Variants in ZCCHC2 observed in about 807,000 individuals in gnomAD.
ZCCHC2 encodes zinc finger CCHC-type containing 2.
In ZCCHC2, 39 loss-of-function variants were observed where a neutral mutation model predicts 103.6. That is an observed-to-expected ratio of 0.38 (90% CI 0.29 to 0.49). The LOEUF (loss-of-function observed/expected upper bound fraction) is 0.49. Among genes scored for constraint, ZCCHC2 ranks in the 20% least tolerant of loss-of-function variants. ZCCHC2 has a pLI of 0.96. For synonymous variants in ZCCHC2, 687 were observed against 608.9 expected (o/e 1.13, Z -1.89); for missense variants, 1,483 against 1,491.0 (o/e 0.99, Z 0.09).
At chr18:62,565,756 CT>C (rs1464983333) in intron 11 of ZCCHC2, among the ~76,000 whole-genome samples, 5 of 152,092 alleles carry the variant, frequency 3.3e-5, no homozygotes, top group African/African-American at 1.2e-4. Flanking sequence ...CTGGGTGCCC[CT>C]GACACATTTA....
At chr18:62,531,023 C>G (rs894740555) in intron 1 of ZCCHC2, among the ~76,000 whole-genome samples, 2 of 151,700 alleles carry the variant, frequency 1.3e-5, no homozygotes, top group Admixed American at 1.3e-4. Context: ...ATTTTTAACT[C>G]ACTTAATATT....
chr18:62,523,475 G>C lies in ZCCHC2; in HGVS notation c.51G>C (p.Pro17=). 2.8e-6 allele frequency: 3 copies of C among 1,078,216 alleles called. No individual in the cohort carries two copies. The highest frequency in any genetic ancestry group is 4.5e-5 in the South Asian group (2 of 44,254). The allele number at this position is 1,078,216 out of a possible 1,614,324, so 66.8% of individuals were successfully genotyped here. A position where few individuals can be genotyped will look rare whatever the true frequency, so the allele number is the denominator to read the frequency against. The change falls in exon 1 of 14, where the codon CCG becomes CCC. Residue 17 remains proline (P), a synonymous_variant. Coordinates refer to ENST00000269499, the MANE Select transcript of ZCCHC2 (RefSeq NM_017742.6). ...PLKPTHPAEP[P]PEAEEPEADA... Reference sequence around the variant, plus strand: ...AGCCAACGCACCCCGCGGAGCCGCCGCCCGAGGCGGAGGAGCCCGAGGCGG... The same window carrying C: ...AGCCAACGCACCCCGCGGAGCCGCCCCCCGAGGCGGAGGAGCCCGAGGCGG...
downstream of ZCCHC2, among the ~76,000 whole-genome samples, chr18:62,579,600 A>G (rs555393257): frequency 1.3e-5 from 2 of 152,320 alleles, no homozygotes; most frequent in Admixed American, 6.5e-5. Context: ...TAATGCACCT[A>G]TAGGTAACGT....
chr18:62,561,529 G>A (rs1690976365), intron 8 of ZCCHC2, among the ~76,000 whole-genome samples: 1 of 152,224 alleles, frequency 6.6e-6, no homozygotes, highest in African/African-American at 2.4e-5. Context: ...TCCTTTTTGG[G>A]TCTGTCATTC....
In ZCCHC2 at chr18:62,562,995, C is replaced by T. The variant is rs749769224; in HGVS notation, c.1551-14C>T. The T allele has an allele frequency of 1.1e-5, 18 of 1,598,018 alleles. No homozygotes were observed. The highest frequency in any genetic ancestry group is 1.7e-4 in the Middle Eastern group (1 of 6,032). On this transcript the variant is annotated splice_polypyrimidine_tract_variant and intron_variant, in intron 8 of 13. Transcript: ENST00000269499. The stretch of plus-strand genomic sequence containing the variant: ...GGGCAGATTTTCACACTTTCATAAA[C>T]TTTTCTTTGGTAGCAATATTGGTAC...
intron 3 of ZCCHC2, among the ~76,000 whole-genome samples, chr18:62,544,589 A>C (rs1001353765): frequency 2.9e-4 from 44 of 152,244 alleles, no homozygotes; most frequent in African/African-American, 9.6e-4. Context: ...GCCATTTTGA[A>C]AAGAGTTATT....
intron 2 of ZCCHC2, among the ~76,000 whole-genome samples, chr18:62,540,701 A>G (rs1359445981): frequency 6.6e-6 from 1 of 152,164 alleles, no homozygotes; most frequent in African/African-American, 2.4e-5. Flanking sequence ...TTTTAGAAGA[A>G]CGTAGAGATT....
At chr18:62,543,634 C>T (rs750681212) in intron 3 of ZCCHC2, among the ~76,000 whole-genome samples, 27 of 152,208 alleles carry the variant, frequency 1.8e-4, no homozygotes, top group Admixed American at 1.1e-3. Flanking sequence ...TTTCCCCAGA[C>T]CGAGGACAGG....
chr18:62,586,674 A>G (rs544584878), exon 15 of ZCCHC2: 3 of 152,152 alleles, frequency 2.0e-5, no homozygotes, highest in Non-Finnish European at 4.4e-5. Flanking sequence ...GACACGTGAA[A>G]AATACATGAA....
At chr18:62,564,880 A>G in intron 10 of ZCCHC2, 122 bp from the exon 11 acceptor site, 1 of 756,568 alleles carries the variant, frequency 1.3e-6, no homozygotes, top group Non-Finnish European at 2.1e-6. Context: ...TCTTAATTGT[A>G]TTTAGATTAT....
At chr18:62,562,648 C>T (rs1250953120) in intron 8 of ZCCHC2, among the ~76,000 whole-genome samples, 1 of 152,124 alleles carries the variant, frequency 6.6e-6, no homozygotes, top group African/African-American at 2.4e-5. Flanking sequence ...TTTTTGATCT[C>T]ATTATCCTGT....
intron 5 of ZCCHC2, among the ~76,000 whole-genome samples, chr18:62,553,465 AT>A (rs540557286): frequency 8.6e-4 from 128 of 149,028 alleles, no homozygotes; most frequent in African/African-American, 2.8e-3. Flanking sequence ...ATTTTTATTA[AT>A]TTTTTTTTTG....
At chr18:62,542,876 A>C (rs564081783) in intron 3 of ZCCHC2, among the ~76,000 whole-genome samples, 1 of 152,074 alleles carries the variant, frequency 6.6e-6, no homozygotes, top group Non-Finnish European at 1.5e-5. Context: ...GATCACAGGC[A>C]TTGTCTTTCC....
intron 3 of ZCCHC2, 50 bp downstream of exon 3, chr18:62,542,624 C>G (rs1416367171): frequency 6.8e-7 from 1 of 1,477,838 alleles, no homozygotes; most frequent in Admixed American, 2.1e-5. Context: ...GCTCAATGAT[C>G]TTTGGGAAAA....
At chr18:62,543,061 A>G (rs1047419859) in intron 3 of ZCCHC2, among the ~76,000 whole-genome samples, 7 of 152,060 alleles carry the variant, frequency 4.6e-5, no homozygotes, top group African/African-American at 1.7e-4. Context: ...AAGACTTTGC[A>G]TGTCTTCTTC....
At chr18:62,559,025 A>C (rs899312488) in intron 7 of ZCCHC2, among the ~76,000 whole-genome samples, 4 of 152,276 alleles carry the variant, frequency 2.6e-5, no homozygotes, top group African/African-American at 9.6e-5. Flanking sequence ...ATGAAAAAAT[A>C]GGTATAATTA....
rs1029136935 is a variant in ZCCHC2 at position 62,532,167 on chromosome 18, T to A, written c.940-7514T>A. Among the ~76,000 whole-genome samples the A allele has an allele frequency of 4.6e-5, 7 of 152,330 alleles. No homozygotes were observed. In the East Asian group the frequency reaches 7.7e-4, roughly 17 times the overall value. On this transcript the variant is annotated intron_variant, in intron 1 of 13. Transcript: ENST00000269499. ...CCCTTATGGTGTATATCTCATTGAA[T>A]GTCAACTGTCACTCTAATGTGAATC...
rs1914183555 is a variant in ZCCHC2 at position 62,523,722 on chromosome 18, G to C, written c.298G>C (p.Glu100Gln). 1 of 1,516,002 alleles carries C rather than the reference G, an allele frequency of 6.6e-7. No homozygotes were observed. Among genetic ancestry groups the C allele is most frequent in the Non-Finnish European group, 8.8e-7 (1 of 1,139,996 alleles). 93.9% of individuals were successfully genotyped at this position (1,516,002 alleles called of 1,614,324 possible). ...AALREQERVY[E>Q]WFGLVLGSAQ... is the part of the protein sequence containing the mutation. The stretch of plus-strand genomic sequence containing the variant: ...GCTGCGCGAGCAGGAGCGGGTATAC[G>C]AGTGGTTCGGGCTGGTGCTGGGCTC... Residue 100 changes from glutamate to glutamine, a missense_variant, in exon 1 of 14, where the codon GAG (glutamate) becomes CAG (glutamine). By Grantham distance (29) the Glu-to-Gln change is conservative. Coordinates refer to ENST00000269499, the MANE Select transcript of ZCCHC2 (RefSeq NM_017742.6).
intron 9 of ZCCHC2, among the ~76,000 whole-genome samples, 182 bp from the exon 10 acceptor site, chr18:62,564,389 T>C (rs551171334): frequency 9.8e-5 from 15 of 152,322 alleles, no homozygotes; most frequent in African/African-American, 3.6e-4. Flanking sequence ...GAGGAAAATA[T>C]GTAAGTGTCA....
Sources: gnomAD v4.1 joint callset for allele counts (sites outside exome capture counted in the v4.1 genomes callset) on GRCh38, gnomAD v4.1.1 for gene constraint, MANE v1.5 for transcripts, NCBI Gene and HGNC (gene_info 2026-07-23, HGNC 2026-07-21) for gene names.